The following PCBP3 variants were observed in gnomAD, a reference collection of about 807,000 sequenced individuals.
The protein encoded by PCBP3 is poly(rC) binding protein 3.
PCBP3 carries 25 observed loss-of-function variants against 52.7 expected under a neutral mutation model. The observed-to-expected ratio is 0.47, with a 90% CI of 0.35 to 0.66. The LOEUF is 0.66. PCBP3 is among the 30% of genes least tolerant of loss of function. The pLI is 0.01. For missense variants in PCBP3, 391 were observed against 490.3 expected, an observed-to-expected ratio of 0.80 and a Z score of 1.91; for synonymous variants, 162 against 183.0, an observed-to-expected ratio of 0.89 and a Z score of 0.93.
In PCBP3 at chr21:45,646,103, C is replaced by CTGTG. The variant is rs1269114772; in HGVS notation, c.-279+2236_-279+2237insGTGT. On this transcript the variant is annotated intron_variant, in intron 1 of 17. Transcript: ENST00000681687. Reference sequence around the variant, plus strand: ...TCTCTTTCTCTCTCTCTCTCTCTCTCTCTCTGTGTGTGTGTGTGTGTGTGT... The same window carrying CTGTG: ...TCTCTTTCTCTCTCTCTCTCTCTCTCTGTGTCTCTGTGTGTGTGTGTGTGTGTGT... 3.4e-3 allele frequency among the ~76,000 whole-genome samples: 263 copies of CTGTG among 76,956 alleles called. 3 individuals are homozygous for CTGTG. The East Asian group carries it at 0.066, about 19-fold the overall frequency. 50.5% of individuals were successfully genotyped at this position (76,956 alleles called of 152,430 possible). A position where few individuals can be genotyped will look rare whatever the true frequency, so the allele number is the denominator to read the frequency against.
chr21:45,903,070 A>C (rs2096107480), intron 9 of PCBP3, among the ~76,000 whole-genome samples: 1 of 152,184 alleles, frequency 6.6e-6, no homozygotes, highest in Non-Finnish European at 1.5e-5. Context: ...TACACAGAGA[A>C]GTCTCAGGAT....
intron 2 of PCBP3, among the ~76,000 whole-genome samples, chr21:45,719,495 C>A (rs2084468227): frequency 6.6e-6 from 1 of 152,104 alleles, no homozygotes; most frequent in Admixed American, 6.5e-5. Context: ...ATCTCCATTA[C>A]CCAAAATCCA....
intron 2 of PCBP3, among the ~76,000 whole-genome samples, chr21:45,695,156 G>A (rs1010327591): frequency 2.6e-5 from 4 of 152,172 alleles, no homozygotes; most frequent in Admixed American, 6.5e-5. Context: ...GGTGTGCTGT[G>A]CCAGTTATCT....
chr21:45,893,598 G>A (rs1205300413), intron 5 of PCBP3, among the ~76,000 whole-genome samples: 4 of 152,112 alleles, frequency 2.6e-5, no homozygotes, highest in South Asian at 2.1e-4. Context: ...TGAGGGCCCC[G>A]GGTGCAGACG....
intron 5 of PCBP3, among the ~76,000 whole-genome samples, chr21:45,890,551 T>C (rs59293116): frequency 1.8e-4 from 24 of 132,970 alleles, no homozygotes; most frequent in African/African-American, 6.4e-4. Flanking sequence ...GAACTCCGCA[T>C]TGCTGAGGGG....
chr21:45,699,198 C>CT (rs1555908397), intron 2 of PCBP3, among the ~76,000 whole-genome samples: 1 of 152,232 alleles, frequency 6.6e-6, no homozygotes, highest in Non-Finnish European at 1.5e-5. Flanking sequence ...ATCCACACCT[C>CT]TAAGTCCCCA....
At chr21:45,804,602 G>A (rs572834737) in intron 4 of PCBP3, among the ~76,000 whole-genome samples, 15 of 152,026 alleles carry the variant, frequency 9.9e-5, no homozygotes, top group Non-Finnish European at 1.8e-4. Context: ...CCATTGCCTG[G>A]GCTCTGTTGT....
intron 1 of PCBP3, among the ~76,000 whole-genome samples, chr21:45,650,533 C>A (rs936257866): frequency 6.6e-6 from 1 of 152,080 alleles, no homozygotes; most frequent in Admixed American, 6.5e-5. Context: ...CTACTGCAGC[C>A]TTGAAGTCCT....
intron 13 of PCBP3, chr21:45,918,344 A>G (rs957234555): frequency 1.3e-5 from 2 of 149,508 alleles, no homozygotes; most frequent in African/African-American, 5.0e-5. Context: ...GTGTAATTCC[A>G]GTGCTGGGGG....
intron 4 of PCBP3, among the ~76,000 whole-genome samples, chr21:45,780,547 TCTGA>T (rs1180207108): frequency 6.6e-6 from 1 of 152,228 alleles, no homozygotes; most frequent in African/African-American, 2.4e-5. Context: ...GTGGCCCTTG[TCTGA>T]CTGTGTCTAG....
At chr21:45,651,876 G>A (rs2079706836) in intron 1 of PCBP3, among the ~76,000 whole-genome samples, 1 of 152,178 alleles carries the variant, frequency 6.6e-6, no homozygotes, top group Non-Finnish European at 1.5e-5. Flanking sequence ...ACCAGGTTGG[G>A]ATAGGACAGA....
intron 2 of PCBP3, among the ~76,000 whole-genome samples, chr21:45,691,577 A>T (rs2147798566): frequency 6.6e-6 from 1 of 151,836 alleles, no homozygotes; most frequent in East Asian, 1.9e-4. Context: ...CAATTAGAAT[A>T]CAGTGAGTCA....
chr21:45,941,134 G>A (rs2077424784), intron 17 of PCBP3, among the ~76,000 whole-genome samples: 1 of 87,762 alleles, frequency 1.1e-5, no homozygotes, highest in African/African-American at 4.8e-5. Context: ...GAGCCAGGTT[G>A]GGCCTCTTTC....
At chr21:45,941,032 G>A (rs1293628948) in intron 17 of PCBP3, among the ~76,000 whole-genome samples, 3 of 152,192 alleles carry the variant, frequency 2.0e-5, no homozygotes, top group Non-Finnish European at 2.9e-5. Context: ...TTACCTGCAC[G>A]CCCAGTGAGT....
intron 1 of PCBP3, among the ~76,000 whole-genome samples, chr21:45,655,755 A>G (rs969053337): frequency 6.6e-6 from 1 of 152,198 alleles, no homozygotes; most frequent in African/African-American, 2.4e-5. Flanking sequence ...TTTACAATCT[A>G]TCCATCTGAC....
At chr21:45,699,917 CCAGCCCCTCTCAAATCTCATGTCTTCA>C (rs2083006179) in intron 2 of PCBP3, among the ~76,000 whole-genome samples, 1 of 152,166 alleles carries the variant, frequency 6.6e-6, no homozygotes. Flanking sequence ...TCATTCCGCC[CCAGCCCCTCTCAAATCTCATGTCTTCA>C]CATTTCAAAA....
Position 45,853,927 on chromosome 21 carries a change from G to C in PCBP3, c.10+3832G>C, listed in dbSNP as rs555624514. The C allele has an allele frequency of 6.6e-6, 1 of 152,164 alleles. No homozygotes were observed. Among genetic ancestry groups the C allele is most frequent in the Non-Finnish European group, 1.5e-5 (1 of 68,042 alleles). The allele number at this position is 152,164 out of a possible 1,614,324, so 9.4% of individuals were successfully genotyped here. ...GGGGCAGGAGCCGCTCCCAGGAAGCGGTGGTGCCGACGTGTCATAAACTGA... is the reference window on the plus strand; with the variant it reads ...GGGGCAGGAGCCGCTCCCAGGAAGCCGTGGTGCCGACGTGTCATAAACTGA... On this transcript the variant is annotated intron_variant, in intron 5 of 17. Transcript: ENST00000681687. The surrounding 1 kb of genome is among the most constrained non-coding windows in gnomAD (Gnocchi z 4.6).
chr21:45,677,279 G>A (rs956265564), intron 2 of PCBP3, among the ~76,000 whole-genome samples: 1 of 152,214 alleles, frequency 6.6e-6, no homozygotes, highest in Non-Finnish European at 1.5e-5. Context: ...GAAAGTTTGA[G>A]TGGTCTGGAT....
rs2093332571 is a variant in PCBP3 at position 45,827,256 on chromosome 21, AAT to A, written c.-125-22704_-125-22703del. Reference sequence around the variant, plus strand: ...TAGATGCCTCTTCTAACCTGGCGGCAATGAGGCAGCACACCTCTGCCCCCGCT... The same window carrying A: ...TAGATGCCTCTTCTAACCTGGCGGCAGAGGCAGCACACCTCTGCCCCCGCT... On this transcript the variant is annotated intron_variant, in intron 4 of 17. Transcript: ENST00000681687. This position sits in a 1 kb window ranked among gnomAD's most constrained non-coding sequence, Gnocchi z 4.3. Among the ~76,000 whole-genome samples, 2 of 152,136 alleles carry A rather than the reference AAT, an allele frequency of 1.3e-5. No homozygotes were observed. The highest frequency in any genetic ancestry group is 2.9e-5 in the Non-Finnish European group (2 of 68,032).
Sources: gnomAD v4.1 joint callset for allele counts (sites outside exome capture counted in the v4.1 genomes callset) on GRCh38, gnomAD v4.1.1 for gene constraint, Gnocchi (gnomAD v3.1) non-coding constraint, MANE v1.5 for transcripts, NCBI Gene and HGNC (gene_info 2026-07-23, HGNC 2026-07-21) for gene names.